Variants in R3HCC1L observed in about 807,000 individuals in gnomAD.
R3HCC1L encodes the protein coiled-coil domain-containing protein R3HCC1L.
A neutral mutation model predicts 59.9 loss-of-function variants in R3HCC1L; 51 were observed. That is an observed-to-expected ratio of 0.85 (90% CI 0.68 to 1.07). R3HCC1L has a LOEUF of 1.07. R3HCC1L is among the 50% of genes least tolerant of loss of function. R3HCC1L has a pLI of 0.00. For synonymous variants in R3HCC1L, 322 were observed against 315.2 expected (o/e 1.02, Z -0.23); for missense variants, 965 against 933.0 (o/e 1.03, Z -0.45).
intron 5 of R3HCC1L, 100 bp from the exon 6 acceptor site, chr10:98,231,412 A>T: frequency 9.1e-6 from 10 of 1,093,726 alleles, no homozygotes; most frequent in Non-Finnish European, 1.3e-5. Flanking sequence ...AGGAATGGGA[A>T]CATGTAGAGA....
intron 1 of R3HCC1L, among the ~76,000 whole-genome samples, chr10:98,136,761 CTGGAGG>C (rs1423556462): frequency 6.6e-6 from 1 of 152,114 alleles, no homozygotes; most frequent in Non-Finnish European, 1.5e-5. Context: ...CGCTTGAGTC[CTGGAGG>C]TGGAAGTTGC....
chr10:98,231,201 A>G (rs1046230152), intron 5 of R3HCC1L, among the ~76,000 whole-genome samples: 2 of 152,192 alleles, frequency 1.3e-5, no homozygotes, highest in African/African-American at 4.8e-5. Context: ...AAGATGTGCC[A>G]TTTATAACTC....
At chr10:98,148,014 A>C (rs1211916640) in intron 1 of R3HCC1L, among the ~76,000 whole-genome samples, 1 of 152,070 alleles carries the variant, frequency 6.6e-6, no homozygotes, top group Admixed American at 6.5e-5. Context: ...TGTCATTTTA[A>C]CTGTGTTACT....
chr10:98,144,924 G>A (rs1845512035), intron 1 of R3HCC1L, among the ~76,000 whole-genome samples: 1 of 152,202 alleles, frequency 6.6e-6, no homozygotes, highest in Non-Finnish European at 1.5e-5. Context: ...GTGTGAAGTT[G>A]GGAGCAAGAA....
chr10:98,152,378 G>T (rs1172652270), intron 1 of R3HCC1L, among the ~76,000 whole-genome samples: 4 of 151,546 alleles, frequency 2.6e-5, no homozygotes, highest in Non-Finnish European at 5.9e-5. Flanking sequence ...CCGCCACCCC[G>T]TCTGGGAAGT....
chr10:98,194,761 A>C (rs1851238106), intron 4 of R3HCC1L, among the ~76,000 whole-genome samples: 1 of 150,984 alleles, frequency 6.6e-6, no homozygotes, highest in South Asian at 2.1e-4. Flanking sequence ...TAAAAACCAC[A>C]GTAAGATATT....
intron 7 of R3HCC1L, 129 bp downstream of exon 7, chr10:98,234,645 G>GT (rs923051800): frequency 7.8e-6 from 7 of 896,188 alleles, no homozygotes; most frequent in South Asian, 4.7e-5. Flanking sequence ...GCAGTTAGTG[G>GT]TTTTTTTGAG....
chr10:98,244,451 C>T lies in R3HCC1L; in HGVS notation c.*293C>T, dbSNP rs762502568. ...GCCTGGACAGGGCAAGTCATGTTAG[C>T]GTGGGTCACACTTCCAAGATATTTA... On this transcript the variant is annotated 3_prime_UTR_variant, in exon 10 of 10. Transcript: ENST00000298999. The T allele has an allele frequency of 2.1e-5, 6 of 285,114 alleles. No homozygotes were observed. Among genetic ancestry groups the T allele is most frequent in the Non-Finnish European group, 4.1e-5 (6 of 147,464 alleles). 17.7% of individuals were successfully genotyped at this position (285,114 alleles called of 1,614,324 possible). A position where few individuals can be genotyped will look rare whatever the true frequency, so the allele number is the denominator to read the frequency against.
intron 5 of R3HCC1L, among the ~76,000 whole-genome samples, chr10:98,218,343 A>G (rs1347869956): frequency 6.6e-6 from 1 of 152,086 alleles, no homozygotes; most frequent in Non-Finnish European, 1.5e-5. Context: ...CTAGTAAACC[A>G]AATTCAACAT....
chr10:98,217,806 A>AT (rs969386885), intron 5 of R3HCC1L, among the ~76,000 whole-genome samples: 93 of 141,100 alleles, frequency 6.6e-4, no homozygotes, highest in African/African-American at 1.5e-3. Flanking sequence ...TTCTTTCTTG[A>AT]TTTTTTTTTT....
At chr10:98,218,897 C>T (rs1000362340) in intron 5 of R3HCC1L, among the ~76,000 whole-genome samples, 1 of 152,088 alleles carries the variant, frequency 6.6e-6, no homozygotes, top group African/African-American at 2.4e-5. Context: ...TATCATCTTA[C>T]TGAGTTGATC....
chr10:98,163,457 T>A, intron 4 of R3HCC1L, 60 bp downstream of exon 4: 1 of 1,069,856 alleles, frequency 9.3e-7, no homozygotes, highest in Non-Finnish European at 1.3e-6. Context: ...TCTAAAGATT[T>A]GTTTGCTTGT....
At chr10:98,205,513 T>C (rs1402660771) in intron 4 of R3HCC1L, among the ~76,000 whole-genome samples, 1 of 152,204 alleles carries the variant, frequency 6.6e-6, no homozygotes, top group African/African-American at 2.4e-5. Flanking sequence ...AAATGATTAC[T>C]TCAGCTAAGA....
intron 5 of R3HCC1L, among the ~76,000 whole-genome samples, chr10:98,225,180 G>A (rs1212071440): frequency 6.6e-6 from 1 of 152,056 alleles, no homozygotes; most frequent in African/African-American, 2.4e-5. Context: ...TACTGTATTG[G>A]ACAGTTCAGG....
chr10:98,231,745 G>C (rs1590822292), intron 6 of R3HCC1L, 58 bp downstream of exon 6: 2 of 1,433,828 alleles, frequency 1.4e-6, no homozygotes, highest in East Asian at 4.9e-5. Context: ...TTTAAAAAAT[G>C]TTTTCTGAGA....
chr10:98,216,600 TC>T (rs1171355322), intron 5 of R3HCC1L, among the ~76,000 whole-genome samples: 3 of 152,152 alleles, frequency 2.0e-5, no homozygotes, highest in African/African-American at 7.2e-5. Flanking sequence ...GTTGAGACAG[TC>T]TCACTTTGTT....
At chr10:98,235,344 G>A in intron 7 of R3HCC1L, 81 bp from the exon 8 acceptor site, 1 of 1,176,522 alleles carries the variant, frequency 8.5e-7, no homozygotes, top group Admixed American at 2.1e-5. Flanking sequence ...TAACATCTAG[G>A]AAATACTAAG....
chr10:98,156,078 A>G lies in R3HCC1L; in HGVS notation c.-267-15A>G, dbSNP rs1424937822. Reference sequence around the variant, plus strand: ...TTTTTTTTTTTTTTTTAATTCTTGGAAATTTCTCTTCTAGAGACTTCCAGT... The same window carrying G: ...TTTTTTTTTTTTTTTTAATTCTTGGGAATTTCTCTTCTAGAGACTTCCAGT... On this transcript the variant is annotated splice_polypyrimidine_tract_variant and intron_variant, in intron 1 of 9. Coordinates refer to ENST00000298999, the MANE Select transcript of R3HCC1L (RefSeq NM_001351015.2). The G allele has an allele frequency of 1.3e-5, 2 of 150,820 alleles. No homozygotes were observed. The highest frequency in any genetic ancestry group is 3.0e-5 in the Non-Finnish European group (2 of 67,784). The allele number at this position is 150,820 out of a possible 1,614,324, so 9.3% of individuals were successfully genotyped here.
chr10:98,183,671 A>C (rs1014576376), intron 4 of R3HCC1L, among the ~76,000 whole-genome samples: 3 of 151,616 alleles, frequency 2.0e-5, no homozygotes, highest in Non-Finnish European at 4.4e-5. Context: ...GTTTTGTGGG[A>C]GTAGTTTCTG....
Sources: allele counts gnomAD v4.1 joint callset (sites outside exome capture counted in the v4.1 genomes callset), GRCh38; gene constraint gnomAD v4.1.1; transcripts MANE v1.5; gene names NCBI Gene and HGNC (gene_info 2026-07-23, HGNC 2026-07-21).